SMAD3: variants seen among roughly 807,000 people sequenced by gnomAD.
The protein encoded by SMAD3 is SMAD family member 3.
In SMAD3, 12 loss-of-function variants were observed where a neutral mutation model predicts 51.8. The ratio of observed to expected loss-of-function variants is 0.23; its 90% CI spans 0.15 to 0.38. SMAD3 has a LOEUF of 0.38. Among genes scored for constraint, SMAD3 ranks in the 10% least tolerant of loss-of-function variants. The pLI is 1.00. For synonymous variants in SMAD3, 238 were observed against 227.7 expected (o/e 1.05, Z -0.41); for missense variants, 294 against 565.6 (o/e 0.52, Z 4.87).
intron 1 of SMAD3, among the ~76,000 whole-genome samples, chr15:67,079,159 G>A (rs985077278): frequency 5.3e-5 from 8 of 152,018 alleles, no homozygotes; most frequent in African/African-American, 1.9e-4. Flanking sequence ...TGTATTTTTA[G>A]TAAAGACGGG....
intron 1 of SMAD3, among the ~76,000 whole-genome samples, chr15:67,154,850 AC>A (rs145289886): frequency 6.6e-6 from 1 of 152,332 alleles, no homozygotes; most frequent in East Asian, 1.9e-4. Flanking sequence ...CATCTTAAAG[AC>A]CTTCAGACAA....
intron 5 of SMAD3, among the ~76,000 whole-genome samples, chr15:67,178,078 A>C (rs1297305386): frequency 6.6e-6 from 1 of 152,132 alleles, no homozygotes; most frequent in Non-Finnish European, 1.5e-5. Context: ...TCAGGTTCCT[A>C]GTGTCCGGGG....
At chr15:67,073,137 A>T (rs1960092766) in intron 1 of SMAD3, among the ~76,000 whole-genome samples, 1 of 145,970 alleles carries the variant, frequency 6.9e-6, no homozygotes, top group Admixed American at 6.8e-5. Flanking sequence ...GCCAAACCAC[A>T]TCCCCCAAGC....
At chr15:67,169,796 G>A (rs185204552) in intron 4 of SMAD3, among the ~76,000 whole-genome samples, 1 of 152,234 alleles carries the variant, frequency 6.6e-6, no homozygotes, top group African/African-American at 2.4e-5. Flanking sequence ...ACAGAGGAGC[G>A]GGGACGAGCA....
At chr15:67,166,171 C>T (rs1369679947) in intron 3 of SMAD3, 8 of 1,013,674 alleles carry the variant, frequency 7.9e-6, no homozygotes, top group Middle Eastern at 5.0e-4. Context: ...AGATCCTTTG[C>T]GGGTAGCCCT....
chr15:67,149,056 G>A (rs1962054758), intron 1 of SMAD3, among the ~76,000 whole-genome samples: 1 of 152,198 alleles, frequency 6.6e-6, no homozygotes, highest in Admixed American at 6.5e-5. Context: ...ATGGTGGACT[G>A]TAAGAGTTCG....
chr15:67,172,723 T>A (rs1001306820), intron 5 of SMAD3, among the ~76,000 whole-genome samples: 4 of 152,210 alleles, frequency 2.6e-5, no homozygotes, highest in African/African-American at 9.7e-5. Flanking sequence ...AGCTAGTGAA[T>A]GGAGAAGGTG....
chr15:67,109,525 C>G (rs1160467111), intron 1 of SMAD3, among the ~76,000 whole-genome samples: 1 of 152,132 alleles, frequency 6.6e-6, no homozygotes, highest in African/African-American at 2.4e-5. Flanking sequence ...GGAATTCTCT[C>G]TGGTGTCTTT....
Position 67,068,158 on chromosome 15 carries a change from T to G in SMAD3, c.206+1798T>G, listed in dbSNP as rs145130745. On this transcript the variant is annotated intron_variant, in intron 1 of 8. Coordinates refer to ENST00000327367, the MANE Select transcript of SMAD3 (RefSeq NM_005902.4). Reference sequence around the variant, plus strand: ...ACCAGCCATGGAAAGTAGATAAGGTTGTTAGGCTTAAGATTATCACATTTT... The same window carrying G: ...ACCAGCCATGGAAAGTAGATAAGGTGGTTAGGCTTAAGATTATCACATTTT... 1.5e-3 allele frequency among the ~76,000 whole-genome samples: 222 copies of G among 152,330 alleles called. 1 individual carries two copies. The highest frequency in any genetic ancestry group is 5.2e-3 in the African/African-American group (216 of 41,578).
chr15:67,082,851 C>G (rs1657159350), intron 1 of SMAD3, among the ~76,000 whole-genome samples: 1 of 152,150 alleles, frequency 6.6e-6, no homozygotes, highest in African/African-American at 2.4e-5. Context: ...CAGGGAACAT[C>G]TCAGAGTTAA....
chr15:67,131,521 C>CATGCCA (rs1340063951), intron 1 of SMAD3, among the ~76,000 whole-genome samples: 16 of 152,212 alleles, frequency 1.1e-4, no homozygotes, highest in Non-Finnish European at 1.6e-4. Flanking sequence ...ATGTCTGTTG[C>CATGCCA]ATGCCAAGCA....
At chr15:67,189,108 T>C (rs1282166522) in intron 8 of SMAD3, among the ~76,000 whole-genome samples, 8 of 152,298 alleles carry the variant, frequency 5.3e-5, no homozygotes, top group African/African-American at 1.9e-4. Flanking sequence ...CTTAGCTCAT[T>C]TAGGGAACAG....
At chr15:67,092,666 G>A (rs1027954810) in intron 1 of SMAD3, among the ~76,000 whole-genome samples, 2 of 152,218 alleles carry the variant, frequency 1.3e-5, no homozygotes, top group African/African-American at 4.8e-5. Context: ...TAGGAGTGGT[G>A]GAGGGAGTTT....
At chr15:67,109,250 T>TGCAAATGCTTTTTGC (rs1336987864) in intron 1 of SMAD3, among the ~76,000 whole-genome samples, 31 of 152,226 alleles carry the variant, frequency 2.0e-4, no homozygotes, top group Admixed American at 2.6e-4. Context: ...ATGCTTTTTG[T>TGCAAATGCTTTTTGC]GTGGAATGCT....
chr15:67,136,732 G>A (rs556713685), intron 1 of SMAD3, among the ~76,000 whole-genome samples: 1 of 152,272 alleles, frequency 6.6e-6, no homozygotes, highest in Admixed American at 6.5e-5. Flanking sequence ...GGAAAATTTA[G>A]AACACATGGA....
intron 1 of SMAD3, among the ~76,000 whole-genome samples, chr15:67,099,446 G>C (rs1173616001): frequency 1.3e-5 from 2 of 152,198 alleles, no homozygotes; most frequent in Admixed American, 6.5e-5. Flanking sequence ...ACCTCCCCAA[G>C]GATTTTCTGT....
intron 1 of SMAD3, among the ~76,000 whole-genome samples, chr15:67,102,019 C>T (rs1044485836): frequency 6.6e-6 from 1 of 152,140 alleles, no homozygotes; most frequent in African/African-American, 2.4e-5. Flanking sequence ...GCTTGGAATG[C>T]GCTGATATTT....
intron 1 of SMAD3, among the ~76,000 whole-genome samples, chr15:67,145,394 T>C (rs1468765558): frequency 1.3e-5 from 2 of 152,224 alleles, no homozygotes; most frequent in African/African-American, 4.8e-5. Flanking sequence ...AAGAGATTGT[T>C]AATCTCTCAT....
chr15:67,132,455 G>A (rs781241498), intron 1 of SMAD3, among the ~76,000 whole-genome samples: 19 of 152,116 alleles, frequency 1.2e-4, no homozygotes, highest in South Asian at 4.1e-4. Context: ...TGCTTCTTGC[G>A]GGAATGGTGA....
Sources: allele counts gnomAD v4.1 joint callset (sites outside exome capture counted in the v4.1 genomes callset), GRCh38; gene constraint gnomAD v4.1.1; transcripts MANE v1.5; gene names NCBI Gene and HGNC (gene_info 2026-07-23, HGNC 2026-07-21).